COG5: variants seen among roughly 807,000 people sequenced by gnomAD.
COG5 encodes the protein component of oligomeric golgi complex 5.
Under a neutral mutation model 110.4 loss-of-function variants are expected in COG5, and 86 were observed. The observed-to-expected ratio is 0.78, with a 90% CI of 0.65 to 0.93. The LOEUF (loss-of-function observed/expected upper bound fraction) is 0.93, where lower values mean the gene tolerates loss of function less well. Among genes scored for constraint, COG5 ranks in the 40% least tolerant of loss-of-function variants. The pLI, the probability that COG5 is intolerant of heterozygous loss-of-function variation, is 0.00. For missense variants in COG5, 1,077 were observed against 987.0 expected (o/e 1.09, Z -1.22); for synonymous variants, 360 against 334.6 (o/e 1.08, Z -0.83).
intron 5 of COG5, among the ~76,000 whole-genome samples, chr7:107,531,955 T>G (rs143294067): frequency 4.6e-5 from 7 of 152,208 alleles, no homozygotes; most frequent in African/African-American, 1.7e-4. Context: ...CCTTGGTATC[T>G]GGTATAAAAA....
intron 6 of COG5, among the ~76,000 whole-genome samples, chr7:107,477,799 C>T (rs2129116846): frequency 6.6e-6 from 1 of 151,924 alleles, no homozygotes; most frequent in South Asian, 2.1e-4. Flanking sequence ...GAATGAGAAG[C>T]TTAGACAACT....
At chr7:107,401,219 A>G (rs1268129183) in intron 7 of COG5, among the ~76,000 whole-genome samples, 2 of 152,174 alleles carry the variant, frequency 1.3e-5, no homozygotes, top group Non-Finnish European at 2.9e-5. Context: ...ATTTCCATTC[A>G]AATTTAAGGA....
At chr7:107,523,649 T>C (rs1800498749) in intron 6 of COG5, among the ~76,000 whole-genome samples, 1 of 152,120 alleles carries the variant, frequency 6.6e-6, no homozygotes, top group Admixed American at 6.6e-5. Context: ...ACCCCGTCTC[T>C]ACTAAATATA....
At chr7:107,236,270 T>C (rs888243806) in intron 18 of COG5, among the ~76,000 whole-genome samples, 180 bp downstream of exon 18, 1 of 151,834 alleles carries the variant, frequency 6.6e-6, no homozygotes, top group Non-Finnish European at 1.5e-5. Context: ...AAGAAAAATA[T>C]ATCTGGTATA....
intron 6 of COG5, among the ~76,000 whole-genome samples, chr7:107,494,997 G>A (rs925028315): frequency 2.0e-5 from 3 of 152,100 alleles, no homozygotes; most frequent in African/African-American, 7.2e-5. Flanking sequence ...ATACATATGC[G>A]TGGCAGAGAT....
rs1168872064 is a variant in COG5 at position 107,534,363 on chromosome 7, C to G, written c.418-7006G>C. 5.3e-5 allele frequency among the ~76,000 whole-genome samples: 8 copies of G among 151,370 alleles called. No homozygotes were observed. In the East Asian group the frequency reaches 1.5e-3, roughly 29 times the overall value. On this transcript the variant is annotated intron_variant, in intron 5 of 21. Coordinates refer to ENST00000297135, the MANE Select transcript of COG5 (RefSeq NM_006348.5). ...GGTTAAATGCTCCAATTAAAAGGCACAGACTGGCAAATTGGATAGAGTTAA... is the reference window on the plus strand; with the variant it reads ...GGTTAAATGCTCCAATTAAAAGGCAGAGACTGGCAAATTGGATAGAGTTAA...
At chr7:107,302,349 T>C (rs1431920504) in intron 11 of COG5, among the ~76,000 whole-genome samples, 1 of 152,118 alleles carries the variant, frequency 6.6e-6, no homozygotes, top group African/African-American at 2.4e-5. Flanking sequence ...AAAAAGCAGA[T>C]CAGTGTTTGC....
intron 10 of COG5, among the ~76,000 whole-genome samples, chr7:107,346,834 T>C (rs1413567887): frequency 2.0e-5 from 3 of 152,106 alleles, no homozygotes; most frequent in Non-Finnish European, 4.4e-5. Flanking sequence ...GTATATCTCC[T>C]AATGCTATCC....
intron 11 of COG5, among the ~76,000 whole-genome samples, chr7:107,320,447 CCT>C (rs1809158135): frequency 6.6e-6 from 1 of 152,158 alleles, no homozygotes; most frequent in Non-Finnish European, 1.5e-5. Flanking sequence ...TCCTGGTTCC[CCT>C]CTTAGTGTGA....
chr7:107,377,022 T>G (rs1814694913), intron 7 of COG5, among the ~76,000 whole-genome samples: 1 of 152,166 alleles, frequency 6.6e-6, no homozygotes, highest in South Asian at 2.1e-4. Flanking sequence ...AGACAACTAG[T>G]AATTTTACTT....
At chr7:107,531,955 T>C (rs143294067) in intron 5 of COG5, among the ~76,000 whole-genome samples, 255 of 152,326 alleles carry the variant, frequency 1.7e-3, no homozygotes, top group African/African-American at 5.7e-3. Context: ...CCTTGGTATC[T>C]GGTATAAAAA....
intron 7 of COG5, among the ~76,000 whole-genome samples, chr7:107,408,427 T>C (rs1792023024): frequency 6.6e-6 from 1 of 152,258 alleles, no homozygotes; most frequent in African/African-American, 2.4e-5. Context: ...ATTTTAATAT[T>C]CTGAGTTACA....
In COG5 at chr7:107,476,183, T is replaced by TAAAA. The variant is rs1563056700; in HGVS notation, c.538+51053_538+51054insTTTT. Among the ~76,000 whole-genome samples, 249 of 86,342 alleles carry TAAAA rather than the reference T, an allele frequency of 2.9e-3. 4 individuals carry two copies. The highest frequency in any genetic ancestry group is 9.5e-3 in the African/African-American group (162 of 17,134). The allele number at this position is 86,342 out of a possible 152,430, so 56.6% of individuals were successfully genotyped here. On this transcript the variant is annotated intron_variant, in intron 6 of 21. Transcript: ENST00000297135. ...TCTGGATTAATATAGTGCAATGATT[T>TAAAA]TAAAAAAAAAAAAAAAAAAAAAAAG...
chr7:107,281,504 T>C (rs1421550269), intron 13 of COG5, 105 bp from the exon 14 acceptor site: 7 of 846,570 alleles, frequency 8.3e-6, no homozygotes, highest in African/African-American at 1.7e-5. Flanking sequence ...GTTATTCTTT[T>C]TATAGATTTC....
intron 6 of COG5, among the ~76,000 whole-genome samples, chr7:107,489,817 AAG>A (rs1331114463): frequency 3.9e-5 from 6 of 152,118 alleles, no homozygotes; most frequent in Non-Finnish European, 5.9e-5. Flanking sequence ...AAAAAAGAAA[AAG>A]AAATCCAAGT....
At chr7:107,543,687 C>T (rs917321351) in intron 5 of COG5, among the ~76,000 whole-genome samples, 1 of 152,154 alleles carries the variant, frequency 6.6e-6, no homozygotes, top group African/African-American at 2.4e-5. Flanking sequence ...TGGCCCCAAA[C>T]ACCAGGTCTG....
chr7:107,315,159 T>C (rs1808618439), intron 11 of COG5, among the ~76,000 whole-genome samples: 1 of 71,570 alleles, frequency 1.4e-5, no homozygotes, highest in Non-Finnish European at 3.0e-5. Flanking sequence ...TATTCTAATC[T>C]TTTTTTTTTT....
At chr7:107,528,519 G>C (rs1210401829) in intron 5 of COG5, among the ~76,000 whole-genome samples, 4 of 152,140 alleles carry the variant, frequency 2.6e-5, no homozygotes, top group African/African-American at 9.7e-5. Flanking sequence ...AAGAAATAAA[G>C]GTTCATGTAT....
At chr7:107,386,254 T>C (rs143724085) in intron 7 of COG5, among the ~76,000 whole-genome samples, 2 of 82,222 alleles carry the variant, frequency 2.4e-5, no homozygotes, top group East Asian at 4.1e-4. Flanking sequence ...GATTGCTCTC[T>C]ACTGGGCGGG....
Sources: allele counts gnomAD v4.1 joint callset (sites outside exome capture counted in the v4.1 genomes callset), GRCh38; gene constraint gnomAD v4.1.1; transcripts MANE v1.5; gene names NCBI Gene and HGNC (gene_info 2026-07-23, HGNC 2026-07-21).